CATSPERT: variants seen among roughly 807,000 people sequenced by gnomAD.
The protein encoded by CATSPERT is cation channel sperm-associated targeting subunit tau.
the CATSPERT span, among the ~76,000 whole-genome samples, chr2:201,616,863 T>C: frequency 1.3e-5 from 2 of 152,134 alleles, no homozygotes; most frequent in Admixed American, 1.3e-4. Context: ...AGCAAAGTCT[T>C]AGGATACAAA....
chr2:201,606,839 CAGTGA>C, the CATSPERT span, among the ~76,000 whole-genome samples: 1 of 148,572 alleles, frequency 6.7e-6, no homozygotes, highest in East Asian at 2.0e-4. Flanking sequence ...GTGGAGATTG[CAGTGA>C]GCCAAGATCG....
the CATSPERT span, chr2:201,534,860 A>G: frequency 1.4e-6 from 1 of 732,072 alleles, no homozygotes; most frequent in East Asian, 1.3e-4. Flanking sequence ...AGGATATTCT[A>G]CATCTTGCAG....
At chr2:201,612,784 G>C in the CATSPERT span, among the ~76,000 whole-genome samples, 2 of 152,098 alleles carry the variant, frequency 1.3e-5, no homozygotes, top group Non-Finnish European at 2.9e-5. Context: ...AGAGGGTTGG[G>C]GAATTCCCTT....
chr2:201,489,004 G>A, the CATSPERT span, among the ~76,000 whole-genome samples: 2 of 152,162 alleles, frequency 1.3e-5, no homozygotes, highest in African/African-American at 4.8e-5. Context: ...CAGTGGAAGG[G>A]CATGGAGACC....
chr2:201,555,664 A>C, the CATSPERT span: 1 of 152,136 alleles, frequency 6.6e-6, no homozygotes, highest in South Asian at 2.1e-4. Flanking sequence ...ATTCTTCATC[A>C]CAAACTCAAA....
the CATSPERT span, among the ~76,000 whole-genome samples, chr2:201,562,806 A>C: frequency 1.9e-5 from 2 of 107,080 alleles, no homozygotes; most frequent in African/African-American, 7.0e-5. Context: ...GACACAGCAC[A>C]TGTTTCAGAG....
At chr2:201,493,206 G>T in the CATSPERT span, 1 of 1,534,942 alleles carries the variant, frequency 6.5e-7, no homozygotes, top group South Asian at 1.2e-5. Context: ...AAGTAGAACT[G>T]AGATCATTTT....
the CATSPERT span, among the ~76,000 whole-genome samples, chr2:201,547,130 G>C: frequency 1.3e-5 from 2 of 152,088 alleles, no homozygotes; most frequent in African/African-American, 4.8e-5. Context: ...GGAGGGGATG[G>C]AAAAATTGGG....
chr2:201,516,042 T>C, the CATSPERT span, among the ~76,000 whole-genome samples: 2 of 152,236 alleles, frequency 1.3e-5, no homozygotes, highest in South Asian at 2.1e-4. Context: ...TATGTACTTA[T>C]ATAAACCTAG....
At chr2:201,600,447 GC>G in the CATSPERT span, among the ~76,000 whole-genome samples, 1 of 152,124 alleles carries the variant, frequency 6.6e-6, no homozygotes, top group Non-Finnish European at 1.5e-5. Flanking sequence ...GGGCTGGAGG[GC>G]TGGGGAAGGG....
chr2:201,572,012 A>G, the CATSPERT span: 6 of 1,611,732 alleles, frequency 3.7e-6, no homozygotes, highest in African/African-American at 6.7e-5. Context: ...TTTTCTGAAG[A>G]GGTTTTAACT....
At chr2:201,597,526 C>T in the CATSPERT span, among the ~76,000 whole-genome samples, 3 of 152,094 alleles carry the variant, frequency 2.0e-5, no homozygotes, top group East Asian at 1.9e-4. Context: ...GCTTCCTCCA[C>T]GCACCAAGAC....
At chr2:201,566,170 CT>C in the CATSPERT span, among the ~76,000 whole-genome samples, 1 of 151,814 alleles carries the variant, frequency 6.6e-6, no homozygotes, top group Non-Finnish European at 1.5e-5. Flanking sequence ...CTCTCCAAAT[CT>C]TTAGACCCAA....
At chr2:201,594,798 C>T in the CATSPERT span, among the ~76,000 whole-genome samples, 5 of 152,134 alleles carry the variant, frequency 3.3e-5, no homozygotes, top group Non-Finnish European at 5.9e-5. Context: ...GCATTCTTCA[C>T]GTAGTTCTCG....
chr2:201,491,304 GTC>G, the CATSPERT span: 1 of 1,537,802 alleles, frequency 6.5e-7, no homozygotes, highest in Non-Finnish European at 8.7e-7. Flanking sequence ...GGGCGACACG[GTC>G]TCTTTCTTTT....
the CATSPERT span, among the ~76,000 whole-genome samples, chr2:201,532,312 G>A: frequency 1.3e-5 from 2 of 152,106 alleles, no homozygotes; most frequent in Non-Finnish European, 2.9e-5. Context: ...CATTCACCTA[G>A]AAATAATGCC....
chr2:201,588,230 T>C, the CATSPERT span, among the ~76,000 whole-genome samples: 29 of 152,186 alleles, frequency 1.9e-4, no homozygotes, highest in African/African-American at 6.0e-4. Flanking sequence ...TGAACATTGA[T>C]GCAAAAATCC....
chr2:201,613,275 G>A, the CATSPERT span, among the ~76,000 whole-genome samples: 5 of 152,222 alleles, frequency 3.3e-5, no homozygotes. Flanking sequence ...CCTGACCCCC[G>A]AGTAGCCTAA....
chr2:201,619,156 C>A, the CATSPERT span: 4 of 1,610,618 alleles, frequency 2.5e-6, no homozygotes, highest in African/African-American at 4.0e-5. Flanking sequence ...GGCCTGTCTG[C>A]GCCCAACCGA....
Sources: allele counts gnomAD v4.1 joint callset (sites outside exome capture counted in the v4.1 genomes callset), GRCh38; gene constraint gnomAD v4.1.1; transcripts MANE v1.5; gene names NCBI Gene and HGNC (gene_info 2026-07-23, HGNC 2026-07-21).